The following GHR variants were observed in gnomAD, a reference collection of about 807,000 sequenced individuals.
The protein encoded by GHR is GH receptor.
Under a neutral mutation model 67.1 loss-of-function variants are expected in GHR, and 35 were observed. The observed-to-expected ratio is 0.52, with a 90% confidence interval of 0.40 to 0.69. The LOEUF is 0.69. Ranked by LOEUF, GHR falls within the 30% of genes least tolerant of loss-of-function variation. The pLI, the probability that GHR is intolerant of heterozygous loss-of-function variation, is 0.00. For synonymous variants in GHR, 272 were observed against 269.1 expected (o/e 1.01, Z -0.10); for missense variants, 792 against 764.6 (o/e 1.04, Z -0.42).
At chr5:42,671,184 G>A (rs1235612250) in intron 3 of GHR, among the ~76,000 whole-genome samples, 1 of 152,198 alleles carries the variant, frequency 6.6e-6, no homozygotes, top group East Asian at 1.9e-4. Context: ...TCTGCAGCCT[G>A]TACAAGCATG....
intron 1 of GHR, chr5:42,565,368 C>G (rs1245015611): frequency 1.4e-6 from 1 of 733,274 alleles, no homozygotes; most frequent in Non-Finnish European, 1.7e-6. Flanking sequence ...TCATTAGCAA[C>G]TCGTTTTGAG....
intron 3 of GHR, among the ~76,000 whole-genome samples, chr5:42,642,448 A>G (rs1398070693): frequency 6.6e-6 from 1 of 152,166 alleles, no homozygotes; most frequent in Non-Finnish European, 1.5e-5. Context: ...GGAGAGAGAG[A>G]GAAACAAGTC....
intron 4 of GHR, among the ~76,000 whole-genome samples, chr5:42,690,230 G>C (rs149207928): frequency 6.6e-6 from 1 of 152,332 alleles, no homozygotes; most frequent in African/African-American, 2.4e-5. Context: ...GATGCAGCCA[G>C]CAGTTAAGGG....
intron 2 of GHR, among the ~76,000 whole-genome samples, chr5:42,574,878 C>A (rs1750563128): frequency 6.6e-6 from 1 of 152,116 alleles, no homozygotes; most frequent in Non-Finnish European, 1.5e-5. Context: ...TGCCTTAAAG[C>A]AGAGGGTAAA....
chr5:42,481,580 T>C (rs1198521588), intron 1 of GHR, among the ~76,000 whole-genome samples: 3 of 152,152 alleles, frequency 2.0e-5, no homozygotes, highest in Non-Finnish European at 4.4e-5. Context: ...GGAGGCTTTG[T>C]TCATTTCTTT....
chr5:42,440,395 G>GA (rs1490016379), intron 1 of GHR, among the ~76,000 whole-genome samples: 2 of 152,044 alleles, frequency 1.3e-5, no homozygotes, highest in Non-Finnish European at 2.9e-5. Flanking sequence ...AATGGGTAGA[G>GA]AAAAAATAGG....
intron 3 of GHR, among the ~76,000 whole-genome samples, chr5:42,657,482 AAG>A (rs1216771410): frequency 6.6e-6 from 1 of 152,144 alleles, no homozygotes; most frequent in Non-Finnish European, 1.5e-5. Context: ...CCTGGCTAGA[AAG>A]AGAGAGAGGA....
chr5:42,436,342 A>G (rs1213252741), intron 1 of GHR, among the ~76,000 whole-genome samples: 1 of 152,124 alleles, frequency 6.6e-6, no homozygotes, highest in African/African-American at 2.4e-5. Context: ...CTTAACCCCT[A>G]TTCTTGGTGT....
At chr5:42,679,346 G>A (rs900001698) in intron 3 of GHR, among the ~76,000 whole-genome samples, 1 of 151,464 alleles carries the variant, frequency 6.6e-6, no homozygotes, top group Admixed American at 6.6e-5. Context: ...CAAATTTTGG[G>A]CTGGGCATGG....
intron 2 of GHR, among the ~76,000 whole-genome samples, chr5:42,589,198 T>C (rs1751648743): frequency 6.6e-6 from 1 of 152,210 alleles, no homozygotes; most frequent in African/African-American, 2.4e-5. Context: ...ATATTTAACC[T>C]GTTAAACATT....
chr5:42,473,180 A>C (rs1380569500), intron 1 of GHR, among the ~76,000 whole-genome samples: 1 of 151,944 alleles, frequency 6.6e-6, no homozygotes, highest in African/African-American at 2.4e-5. Context: ...AGTGATCAGT[A>C]GAATATGTAG....
chr5:42,562,584 GT>G (rs1561123970), intron 1 of GHR, among the ~76,000 whole-genome samples: 1 of 144,168 alleles, frequency 6.9e-6, no homozygotes, highest in Non-Finnish European at 1.5e-5. Context: ...TTTGTTTTTT[GT>G]TTTGATAGAG....
At chr5:42,643,842 T>TTCA (rs1353186626) in intron 3 of GHR, among the ~76,000 whole-genome samples, 8 of 152,016 alleles carry the variant, frequency 5.3e-5, no homozygotes, top group Middle Eastern at 3.2e-3. Context: ...TCCAGAGAAG[T>TTCA]TCACAGTGGT....
intron 1 of GHR, among the ~76,000 whole-genome samples, chr5:42,541,047 T>C (rs1748495172): frequency 6.6e-6 from 1 of 152,030 alleles, no homozygotes; most frequent in Admixed American, 6.6e-5. Context: ...ACCCACCATG[T>C]TTTACTTTTT....
At chr5:42,679,673 TC>T (rs1218614378) in intron 3 of GHR, among the ~76,000 whole-genome samples, 2 of 152,044 alleles carry the variant, frequency 1.3e-5, no homozygotes, top group Non-Finnish European at 2.9e-5. Context: ...TGAGTTGGAA[TC>T]ATGGCTGTGC....
chr5:42,590,564 G>C (rs1751723227), intron 2 of GHR, among the ~76,000 whole-genome samples: 1 of 152,166 alleles, frequency 6.6e-6, no homozygotes, highest in South Asian at 2.1e-4. Context: ...AGCAACCACA[G>C]ATCATTCAGT....
At chr5:42,512,799 CT>C (rs1554014683) in intron 1 of GHR, among the ~76,000 whole-genome samples, 2,132 of 133,356 alleles carry the variant, frequency 0.016, 29 homozygotes, top group African/African-American at 0.044. Flanking sequence ...CATTCAGTAA[CT>C]TTTTTTTTTT....
chr5:42,489,031 T>G (rs1746001300), intron 1 of GHR, among the ~76,000 whole-genome samples: 1 of 152,152 alleles, frequency 6.6e-6, no homozygotes, highest in Admixed American at 6.5e-5. Context: ...AGAGTTCCAC[T>G]TATTTCCTAT....
At chr5:42,631,784 G>T (rs1395244054) in intron 3 of GHR, among the ~76,000 whole-genome samples, 4 of 152,066 alleles carry the variant, frequency 2.6e-5, no homozygotes, top group Non-Finnish European at 5.9e-5. Flanking sequence ...CCCCATGGAA[G>T]AAAAAATGAA....
Sources: gnomAD v4.1 joint callset for allele counts (sites outside exome capture counted in the v4.1 genomes callset) on GRCh38, gnomAD v4.1.1 for gene constraint, MANE v1.5 for transcripts, NCBI Gene and HGNC (gene_info 2026-07-23, HGNC 2026-07-21) for gene names.